PIP4K2A: variants seen among roughly 807,000 people sequenced by gnomAD.
PIP4K2A encodes the protein phosphatidylinositol 5-phosphate 4-kinase type-2 alpha.
PIP4K2A carries 14 observed loss-of-function variants against 42.9 expected under a neutral mutation model. That is an observed-to-expected ratio of 0.33 (90% CI 0.22 to 0.51). PIP4K2A has a LOEUF of 0.51. PIP4K2A is among the 20% of genes least tolerant of loss of function. The pLI is 0.97. For missense variants in PIP4K2A, 434 were observed against 519.8 expected (o/e 0.83, Z 1.61); for synonymous variants, 192 against 192.2 (o/e 1.00, Z 0.01).
intron 9 of PIP4K2A, among the ~76,000 whole-genome samples, chr10:22,538,986 G>A (rs910300987): frequency 1.3e-5 from 2 of 152,226 alleles, no homozygotes; most frequent in Admixed American, 1.3e-4. Context: ...GTTCTACACA[G>A]TCTGTGGGAA....
intron 1 of PIP4K2A, among the ~76,000 whole-genome samples, chr10:22,633,924 A>C (rs1244377775): frequency 3.3e-5 from 5 of 152,202 alleles, no homozygotes. Context: ...CTGTGAGGAA[A>C]AACGGAGTCC....
rs1449889289 is a variant in PIP4K2A, at chr10:22,664,102, TAC to T, written c.144+50079_144+50080del. Among the ~76,000 whole-genome samples the T allele has an allele frequency of 4.0e-3, 347 of 86,652 alleles. 9 individuals carry two copies. Among genetic ancestry groups the T allele is most frequent in the Non-Finnish European group, 5.3e-3 (275 of 52,218 alleles). The allele number at this position is 86,652 out of a possible 152,430, so 56.8% of individuals were successfully genotyped here. The stretch of plus-strand genomic sequence containing the variant: ...GTATATATATATACATATATATATA[TAC>T]ATATATATATACATATATATATATA... On this transcript the variant is annotated intron_variant, in intron 1 of 9. Transcript: ENST00000376573.
intron 7 of PIP4K2A, among the ~76,000 whole-genome samples, chr10:22,544,727 C>T (rs1285733405): frequency 6.6e-6 from 1 of 152,214 alleles, no homozygotes; most frequent in Non-Finnish European, 1.5e-5. Flanking sequence ...TTCCATAGTG[C>T]CGCGTTTCTC....
Position 22,550,784 on chromosome 10 carries a change from G to A in PIP4K2A, c.679-12C>T, listed in dbSNP as rs1836392213. The A allele has an allele frequency of 2.0e-6, 3 of 1,485,454 alleles. No homozygotes were observed. Among genetic ancestry groups the A allele is most frequent in the East Asian group, 2.3e-5 (1 of 44,266 alleles). The allele number at this position is 1,485,454 out of a possible 1,614,324, so 92.0% of individuals were successfully genotyped here. A position where few individuals can be genotyped will look rare whatever the true frequency, so the allele number is the denominator to read the frequency against. On this transcript the variant is annotated splice_polypyrimidine_tract_variant and intron_variant, in intron 6 of 9. Transcript: ENST00000376573. The stretch of plus-strand genomic sequence containing the variant: ...GGCAGTTCTTTGGCCTAAAACAAAT[G>A]AGAAAAACAATGACAAAGGCGCTTG...
At chr10:22,616,622 C>T (rs1463369363) in intron 1 of PIP4K2A, among the ~76,000 whole-genome samples, 2 of 152,028 alleles carry the variant, frequency 1.3e-5, no homozygotes, top group Non-Finnish European at 2.9e-5. Flanking sequence ...AGATTCCTAG[C>T]AACTTCATAA....
intron 1 of PIP4K2A, among the ~76,000 whole-genome samples, chr10:22,633,368 A>G (rs1564449874): frequency 1.3e-5 from 2 of 152,214 alleles, no homozygotes; most frequent in Non-Finnish European, 2.9e-5. Context: ...ACAAACACAC[A>G]GCCTTTCTGT....
Position 22,679,935 on chromosome 10 carries a change from T to C in PIP4K2A, c.144+34248A>G, listed in dbSNP as rs575009222. Among the ~76,000 whole-genome samples the C allele has an allele frequency of 4.7e-4, 71 of 152,188 alleles. No individual in the cohort carries two copies. The South Asian group carries it at 0.014, about 30-fold the overall frequency. On this transcript the variant is annotated intron_variant, in intron 1 of 9. Transcript: ENST00000376573. Reference sequence around the variant, plus strand: ...AGGATGAAAATGTTCTAAGATTAGATTGAGAATGGTTATACAACCCCTATA... The same window carrying C: ...AGGATGAAAATGTTCTAAGATTAGACTGAGAATGGTTATACAACCCCTATA...
intron 1 of PIP4K2A, among the ~76,000 whole-genome samples, chr10:22,630,213 G>C (rs1425692473): frequency 6.6e-6 from 1 of 150,786 alleles, no homozygotes; most frequent in Non-Finnish European, 1.5e-5. Flanking sequence ...GCATGCACTT[G>C]TGGTCCCAGT....
intron 1 of PIP4K2A, among the ~76,000 whole-genome samples, chr10:22,631,783 G>A (rs1025056760): frequency 3.3e-5 from 5 of 152,112 alleles, no homozygotes; most frequent in East Asian, 1.9e-4. Flanking sequence ...CAATTTTTTT[G>A]AGCAAAAGTA....
chr10:22,615,265 A>G (rs1248988942), intron 1 of PIP4K2A, among the ~76,000 whole-genome samples: 2 of 152,102 alleles, frequency 1.3e-5, no homozygotes, highest in Non-Finnish European at 2.9e-5. Flanking sequence ...ACCACCATGC[A>G]TGGCTAATTT....
chr10:22,625,012 C>T lies in PIP4K2A; in HGVS notation c.145-15295G>A, dbSNP rs187014984. On this transcript the variant is annotated intron_variant, in intron 1 of 9. Coordinates refer to ENST00000376573, the MANE Select transcript of PIP4K2A (RefSeq NM_005028.5). Reference sequence around the variant, plus strand: ...AAAGTTTAAAAACACAATAAACTTCCAATAAGTTTCAGAATAAAATTTTAT... The same window carrying T: ...AAAGTTTAAAAACACAATAAACTTCTAATAAGTTTCAGAATAAAATTTTAT... Among the ~76,000 whole-genome samples the T allele has an allele frequency of 2.4e-3, 368 of 152,232 alleles. 1 individual carries two copies. The highest frequency in any genetic ancestry group is 8.5e-3 in the African/African-American group (354 of 41,534).
At chr10:22,569,315 G>A (rs1836925531) in intron 5 of PIP4K2A, among the ~76,000 whole-genome samples, 1 of 152,172 alleles carries the variant, frequency 6.6e-6, no homozygotes, top group East Asian at 1.9e-4. Context: ...TTCTCAGGGC[G>A]ATTCAGAGCA....
chr10:22,696,326 ATAAG>A (rs1462986528), intron 1 of PIP4K2A, among the ~76,000 whole-genome samples: 3 of 152,322 alleles, frequency 2.0e-5, no homozygotes, highest in African/African-American at 7.2e-5. Flanking sequence ...CCCAACTGTT[ATAAG>A]TGTGTTTTTA....
Position 22,657,088 on chromosome 10 carries a change from T to A in PIP4K2A, c.145-47371A>T, listed in dbSNP as rs141154524. On this transcript the variant is annotated intron_variant, in intron 1 of 9. Transcript: ENST00000376573. ...ACACTTTGGCTCTAGGGCCATATTT[T>A]ATTTTGCTTTATATCTGCCCCAACA... Among the ~76,000 whole-genome samples, 107 of 152,340 alleles carry A rather than the reference T, an allele frequency of 7.0e-4. 2 individuals carry two copies. In the East Asian group the frequency reaches 0.018, roughly 26 times the overall value.
intron 3 of PIP4K2A, among the ~76,000 whole-genome samples, chr10:22,594,860 C>T (rs1174350916): frequency 1.3e-5 from 2 of 152,202 alleles, no homozygotes; most frequent in Non-Finnish European, 2.9e-5. Flanking sequence ...TCAGCCATGT[C>T]TTCACCCTGG....
At chr10:22,623,316 G>T (rs1263759209) in intron 1 of PIP4K2A, among the ~76,000 whole-genome samples, 1 of 152,020 alleles carries the variant, frequency 6.6e-6, no homozygotes. Context: ...TTAAATTCTT[G>T]ATCACTTGTT....
intron 1 of PIP4K2A, among the ~76,000 whole-genome samples, chr10:22,634,547 G>T (rs1050739005): frequency 6.6e-6 from 1 of 152,012 alleles, no homozygotes; most frequent in African/African-American, 2.4e-5. Flanking sequence ...TCTTATAATA[G>T]GATCTTTTAT....
intron 1 of PIP4K2A, among the ~76,000 whole-genome samples, chr10:22,621,275 T>C (rs566641102): frequency 1.2e-4 from 18 of 152,292 alleles, no homozygotes; most frequent in African/African-American, 4.3e-4. Context: ...CCACTTGCAA[T>C]TGAAGACACT....
intron 1 of PIP4K2A, among the ~76,000 whole-genome samples, chr10:22,621,863 A>G (rs1028443976): frequency 2.0e-5 from 3 of 152,210 alleles, no homozygotes; most frequent in Admixed American, 2.0e-4. Flanking sequence ...ATTCTGTTAC[A>G]CCAGAACTTT....
Sources: gnomAD v4.1 joint callset for allele counts (sites outside exome capture counted in the v4.1 genomes callset) on GRCh38, gnomAD v4.1.1 for gene constraint, MANE v1.5 for transcripts, NCBI Gene and HGNC (gene_info 2026-07-23, HGNC 2026-07-21) for gene names.